Variants in RANBP17 observed in about 807,000 individuals in gnomAD.
RANBP17 encodes the protein RAN binding protein 17.
In RANBP17, 158 loss-of-function variants were observed where a neutral mutation model predicts 141.2. The ratio of observed to expected loss-of-function variants is 1.12; its 90% CI spans 0.98 to 1.28. The LOEUF (loss-of-function observed/expected upper bound fraction) is 1.28, where lower values mean the gene tolerates loss of function less well. RANBP17 is among the 50% of genes most tolerant of loss of function. The pLI is 0.00. For missense variants in RANBP17, 1,438 were observed against 1,290.7 expected, an observed-to-expected ratio of 1.11 and a Z score of -1.75; for synonymous variants, 430 against 450.0, an observed-to-expected ratio of 0.96 and a Z score of 0.56.
chr5:171,283,034 A>G (rs1377949776), intron 25 of RANBP17, among the ~76,000 whole-genome samples: 1 of 151,784 alleles, frequency 6.6e-6, no homozygotes, highest in African/African-American at 2.4e-5. Flanking sequence ...CTCCTCTCCA[A>G]ACCTTTGCAC....
intron 20 of RANBP17, 88 bp from the exon 21 acceptor site, chr5:171,213,543 C>T: frequency 1.2e-6 from 1 of 862,224 alleles, no homozygotes. Context: ...ATGTGGATTC[C>T]CTTTTGTGTG....
chr5:170,872,720 G>A lies in RANBP17; in HGVS notation c.19-5377G>A, dbSNP rs1767852836. On this transcript the variant is annotated intron_variant, in intron 1 of 27. Transcript: ENST00000523189. ...GTTTATTAAGAATTTTTAACATGCA[G>A]GGTTGTTGAATTTTCTTGAAGGCAT... is the stretch of plus-strand genomic sequence containing the variant. Among the ~76,000 whole-genome samples the A allele has an allele frequency of 2.0e-5, 3 of 152,192 alleles. No individual in the cohort carries two copies. In the South Asian group the frequency reaches 6.2e-4, roughly 32 times the overall value.
intron 14 of RANBP17, among the ~76,000 whole-genome samples, chr5:171,098,279 C>T (rs1020057497): frequency 2.0e-5 from 3 of 152,088 alleles, no homozygotes; most frequent in African/African-American, 7.2e-5. Context: ...TCTATTTTTT[C>T]ACATCCTCTC....
intron 14 of RANBP17, among the ~76,000 whole-genome samples, chr5:171,042,780 G>T (rs534697353): frequency 3.4e-4 from 51 of 152,138 alleles, no homozygotes; most frequent in African/African-American, 1.0e-3. Flanking sequence ...CCCACTCTAG[G>T]GGGGGTCATC....
Position 170,883,573 on chromosome 5 carries a change from C to T in RANBP17, c.256+1677C>T, listed in dbSNP as rs140981398. On this transcript the variant is annotated intron_variant, in intron 3 of 27. Transcript: ENST00000523189. ...AGTATTATACAGAATAGTTTTACTG[C>T]ACTAAAAATTCGCTCTTCTCTGCCT... Among the ~76,000 whole-genome samples the T allele has an allele frequency of 4.1e-3, 619 of 152,260 alleles. 5 individuals carry two copies. Among genetic ancestry groups the T allele is most frequent in the African/African-American group, 0.014 (597 of 41,534 alleles).
At chr5:170,904,002 A>G (rs1036210221) in intron 5 of RANBP17, 7 of 482,896 alleles carry the variant, frequency 1.4e-5, no homozygotes, top group African/African-American at 1.4e-4. Context: ...ATTGGATCAG[A>G]TGTTTTCAAA....
chr5:171,263,881 G>A (rs985344011), intron 24 of RANBP17, among the ~76,000 whole-genome samples: 1 of 152,032 alleles, frequency 6.6e-6, no homozygotes, highest in African/African-American at 2.4e-5. Flanking sequence ...TGAGCAACAT[G>A]CAAAACCCTG....
At chr5:170,886,287 G>A (rs986410625) in intron 3 of RANBP17, among the ~76,000 whole-genome samples, 5 of 152,080 alleles carry the variant, frequency 3.3e-5, no homozygotes, top group Non-Finnish European at 5.9e-5. Context: ...TTCCCTTACC[G>A]GCAAGGTACT....
chr5:170,871,193 C>T lies in RANBP17; in HGVS notation c.19-6904C>T, dbSNP rs371295740. Among the ~76,000 whole-genome samples, 76 of 152,058 alleles carry T rather than the reference C, an allele frequency of 5.0e-4. 1 individual carries two copies. The South Asian group carries it at 0.013, about 25-fold the overall frequency. ...CCTCCTGAGTAGCTGGGATTACAGG[C>T]GCCTGCCACCATGCCCAGCTAATTT... On this transcript the variant is annotated intron_variant, in intron 1 of 27. Transcript: ENST00000523189.
rs556881116 is a variant in RANBP17 at position 171,070,492 on chromosome 5, G to A, written c.1711-99638G>A. ...TCTTTTTTGGATCAAAGATCATTTTGAGAATTGGATAAAATGTGTTTGCTA... is the reference window on the plus strand; with the variant it reads ...TCTTTTTTGGATCAAAGATCATTTTAAGAATTGGATAAAATGTGTTTGCTA... On this transcript the variant is annotated intron_variant, in intron 14 of 27. Transcript: ENST00000523189. Among the ~76,000 whole-genome samples, 49 of 152,156 alleles carry A rather than the reference G, an allele frequency of 3.2e-4. 1 individual carries two copies. The South Asian group carries it at 0.01, about 32-fold the overall frequency.
intron 12 of RANBP17, among the ~76,000 whole-genome samples, chr5:170,932,870 CT>C (rs570728329): frequency 1.3e-5 from 2 of 151,342 alleles, no homozygotes; most frequent in African/African-American, 4.9e-5. Flanking sequence ...CTAAAATTCT[CT>C]TTTTTTTTGT....
chr5:170,871,616 A>G (rs1249677189), intron 1 of RANBP17, among the ~76,000 whole-genome samples: 1 of 152,144 alleles, frequency 6.6e-6, no homozygotes, highest in East Asian at 1.9e-4. Context: ...TCTGAATGAT[A>G]TTGTCTAGAT....
chr5:171,242,931 C>A, intron 24 of RANBP17, 111 bp downstream of exon 24: 3 of 959,360 alleles, frequency 3.1e-6, no homozygotes, highest in South Asian at 1.6e-5. Context: ...TATTGTGAAC[C>A]CAAACTGAAA....
At chr5:171,130,966 T>A (rs1004585242) in intron 14 of RANBP17, among the ~76,000 whole-genome samples, 1 of 152,230 alleles carries the variant, frequency 6.6e-6, no homozygotes, top group Non-Finnish European at 1.5e-5. Context: ...ATTTGTTATG[T>A]TTCACATGTT....
intron 5 of RANBP17, among the ~76,000 whole-genome samples, chr5:170,898,304 C>T (rs909027279): frequency 2.1e-4 from 32 of 152,036 alleles, no homozygotes; most frequent in African/African-American, 7.0e-4. Context: ...TTTTTTCATA[C>T]GGTTGTTGGC....
rs571574790 is a variant in RANBP17 at position 171,277,003 on chromosome 5, G to A, written c.2943+11156G>A. ...AATACTAACCCCAACTCTGGGAAGC[G>A]TTTTAACAATATGTATTCAAAAGGA... is the stretch of plus-strand genomic sequence containing the variant. On this transcript the variant is annotated intron_variant, in intron 25 of 27. Transcript: ENST00000523189. Among the ~76,000 whole-genome samples, 29 of 144,966 alleles carry A rather than the reference G, an allele frequency of 2.0e-4. No individual in the cohort carries two copies. In the South Asian group the frequency reaches 2.1e-3, roughly 11 times the overall value.
intron 1 of RANBP17, among the ~76,000 whole-genome samples, chr5:170,865,483 C>G (rs115850488): frequency 0.03 from 4,605 of 152,224 alleles, 232 homozygotes; most frequent in African/African-American, 0.1. Flanking sequence ...GTTTTCAAAT[C>G]GAACCATGAC....
At chr5:171,159,828 C>T (rs889876118) in intron 14 of RANBP17, among the ~76,000 whole-genome samples, 1 of 136,294 alleles carries the variant, frequency 7.3e-6, no homozygotes, top group Non-Finnish European at 1.5e-5. Flanking sequence ...GAGGCTGAGG[C>T]GGGAGAATGA....
intron 5 of RANBP17, among the ~76,000 whole-genome samples, chr5:170,899,952 A>C (rs1206117279): frequency 6.6e-6 from 1 of 152,200 alleles, no homozygotes; most frequent in East Asian, 1.9e-4. Context: ...GTTGATGTTC[A>C]TCAGGTTTAA....
Sources: allele counts gnomAD v4.1 joint callset (sites outside exome capture counted in the v4.1 genomes callset), GRCh38; gene constraint gnomAD v4.1.1; transcripts MANE v1.5; gene names NCBI Gene and HGNC (gene_info 2026-07-23, HGNC 2026-07-21).